ELFN2: variants seen among roughly 807,000 people sequenced by gnomAD.
The protein encoded by ELFN2 is extracellular leucine rich repeat and fibronectin type III domain containing 2.
A neutral mutation model predicts 45.5 loss-of-function variants in ELFN2; 17 were observed. The ratio of observed to expected loss-of-function variants is 0.37; its 90% CI spans 0.26 to 0.56. The LOEUF (loss-of-function observed/expected upper bound fraction) is 0.56. Ranked by LOEUF, ELFN2 falls within the 20% of genes least tolerant of loss-of-function variation. The pLI is 0.77. For synonymous variants in ELFN2, 550 were observed against 551.5 expected (o/e 1.00, Z 0.04); for missense variants, 922 against 1,183.2 (o/e 0.78, Z 3.24).
rs1485896040 is a variant in ELFN2 at position 37,417,437 on chromosome 22, G to A, written c.-463+332C>T. On this transcript the variant is annotated intron_variant, in intron 2 of 2. Transcript: ENST00000402918. This position sits in a 1 kb window ranked among gnomAD's most constrained non-coding sequence, Gnocchi z 4.5. ...CAGGTGCACAGATGCCCCCTGACCT[G>A]CTGGAGTGCAGACTAAGCCTGCCTC... is the stretch of plus-strand genomic sequence containing the variant. Among the ~76,000 whole-genome samples, 1 of 152,228 alleles carries A rather than the reference G, an allele frequency of 6.6e-6. No homozygotes were observed. Among genetic ancestry groups the A allele is most frequent in the East Asian group, 1.9e-4 (1 of 5,198 alleles).
rs184566283 is a variant in ELFN2, at chr22:37,378,022, C to T, written c.-462-2026G>A. 2.1e-3 allele frequency among the ~76,000 whole-genome samples: 315 copies of T among 152,340 alleles called. 2 individuals carry two copies. Among genetic ancestry groups the T allele is most frequent in the Non-Finnish European group, 3.4e-3 (232 of 68,030 alleles). ...ACGAGCCGGCCTGTCAGAGAACCCT[C>T]GTCTGCTCCAATGCAGTCCCTCTTC... On this transcript the variant is annotated intron_variant, in intron 2 of 2. Coordinates refer to ENST00000402918, the MANE Select transcript of ELFN2 (RefSeq NM_052906.5).
intron 2 of ELFN2, among the ~76,000 whole-genome samples, chr22:37,414,062 A>G (rs1932721250): frequency 1.3e-5 from 2 of 152,204 alleles, no homozygotes; most frequent in Non-Finnish European, 2.9e-5. Flanking sequence ...CTGACCTCCC[A>G]GGGTGGCTGG....
chr22:37,347,362 TAGTC>T (rs1267028513), intron 1 of ELFN2, among the ~76,000 whole-genome samples: 3 of 152,146 alleles, frequency 2.0e-5, no homozygotes, highest in Admixed American at 6.5e-5. Context: ...CAGGTATTCA[TAGTC>T]AGACATTACT....
chr22:37,423,548 C>T (rs1246427897), intron 1 of ELFN2, among the ~76,000 whole-genome samples: 1 of 152,144 alleles, frequency 6.6e-6, no homozygotes, highest in African/African-American at 2.4e-5. Context: ...TGTTTCTTGT[C>T]TTCAAAATGA....
intron 2 of ELFN2, among the ~76,000 whole-genome samples, chr22:37,392,929 T>A (rs1022811802): frequency 6.6e-6 from 1 of 152,246 alleles, no homozygotes; most frequent in African/African-American, 2.4e-5. Flanking sequence ...CACACCTGCA[T>A]ATTCATTAAC....
chr22:37,361,264 G>A (rs575737849), intron 1 of ELFN2, among the ~76,000 whole-genome samples: 6 of 152,138 alleles, frequency 3.9e-5, no homozygotes, highest in Non-Finnish European at 8.8e-5. Flanking sequence ...AGAAAAATAT[G>A]CTTTTTACTT....
At chr22:37,413,189 G>A (rs963328770) in intron 2 of ELFN2, among the ~76,000 whole-genome samples, 1 of 152,110 alleles carries the variant, frequency 6.6e-6, no homozygotes, top group Non-Finnish European at 1.5e-5. Flanking sequence ...CTGCCCTAGG[G>A]GGATAAGAGG....
intron 2 of ELFN2, among the ~76,000 whole-genome samples, chr22:37,412,038 T>A (rs1932660931): frequency 6.6e-6 from 1 of 151,650 alleles, no homozygotes; most frequent in Non-Finnish European, 1.5e-5. Context: ...TCCTCCGACA[T>A]TCAGAAAGCA....
chr22:37,410,524 T>C (rs1932621436), intron 2 of ELFN2, among the ~76,000 whole-genome samples: 1 of 152,124 alleles, frequency 6.6e-6, no homozygotes, highest in Admixed American at 6.5e-5. Context: ...CAGATGGTGC[T>C]GAGGGCAGCG....
intron 1 of ELFN2, among the ~76,000 whole-genome samples, chr22:37,362,798 G>A (rs929286569): frequency 1.3e-5 from 2 of 152,236 alleles, no homozygotes; most frequent in African/African-American, 4.8e-5. Context: ...CACCAGATGT[G>A]AGGCATCAGC....
rs776247026 is a variant in ELFN2 at position 37,374,064 on chromosome 22, G to T, written c.1471C>A (p.Leu491Met). 1 of 1,613,162 alleles carries T rather than the reference G, an allele frequency of 6.2e-7. No individual in the cohort carries two copies. The highest frequency in any genetic ancestry group is 1.1e-5 in the South Asian group (1 of 91,086). Residue 491 changes from leucine to methionine, a missense_variant, in exon 3 of 3, where the codon CTG (leucine) becomes ATG (methionine). Coordinates refer to ENST00000402918, the MANE Select transcript of ELFN2 (RefSeq NM_052906.5). ...TTGGTGGCTACCTTGGGTGTGTCCA[G>T]CCCGGCCTCCAACCCCTTGGCGGTG... ...LPTAKGLEAG[L>M]DTPKVATKGN...
Position 37,375,327 on chromosome 22 carries a change from C to T in ELFN2, c.208G>A (p.Val70Met). The T allele has an allele frequency of 3.1e-6, 5 of 1,613,972 alleles. No homozygotes were observed. Among genetic ancestry groups the T allele is most frequent in the Non-Finnish European group, 4.2e-6 (5 of 1,180,000 alleles). Residue 70 changes from valine (V) to methionine (M), a missense_variant, in exon 3 of 3, where the codon GTG becomes ATG. Physicochemically the swap from Val to Met is conservative, Grantham distance 21 (BLOSUM62 1). Transcript: ENST00000402918. The stretch of plus-strand genomic sequence containing the variant: ...AAGCGGTTGAGCGAGGAGTAGAGCA[C>T]GGCTTTGAGCTTGTTCTCGTTGAGC... ...LRLNENKLKA[V>M]LYSSLNRFGN...
intron 1 of ELFN2, among the ~76,000 whole-genome samples, chr22:37,359,728 G>A (rs1444551627): frequency 6.6e-6 from 1 of 152,364 alleles, no homozygotes; most frequent in East Asian, 1.9e-4. Flanking sequence ...GGGCAGACGA[G>A]CCCCAGACTT....
Position 37,373,088 on chromosome 22 carries a change from G to C in ELFN2, c.2447C>G (p.Ala816Gly), listed in dbSNP as rs1400504466. 2 of 1,598,586 alleles carry C rather than the reference G, an allele frequency of 1.3e-6. No homozygotes were observed. Among genetic ancestry groups the C allele is most frequent in the Admixed American group, 1.7e-5 (1 of 59,592 alleles). Residue 816 changes from alanine to glycine, a missense_variant, in exon 3 of 3, where the codon GCC (alanine) becomes GGC (glycine). By Grantham distance (60) the Ala-to-Gly change is moderately conservative (BLOSUM62 0). Coordinates refer to ENST00000402918, the MANE Select transcript of ELFN2 (RefSeq NM_052906.5). ...DILDYWKGVS[A>G]QQKL The stretch of plus-strand genomic sequence containing the variant: ...AGGGGGGGGTCACAGCTTCTGCTGG[G>C]CGGAGACCCCCTTCCAGTAATCAAG...
intron 1 of ELFN2, among the ~76,000 whole-genome samples, chr22:37,356,278 T>G (rs1019885931): frequency 1.3e-5 from 2 of 152,120 alleles, no homozygotes; most frequent in African/African-American, 4.8e-5. Flanking sequence ...CGAAGGGCCT[T>G]CACTCCCCAG....
rs1930800069 is a variant in ELFN2, at chr22:37,350,608, C to T, written n.149-7905G>A. ...CTTTCCCCTCCCCGGGCCTGGTCCC[C>T]TGGAGGCTGAGAGCGTGTGTGACCC... On this transcript the variant is annotated intron_variant and non_coding_transcript_variant, in intron 1 of 2. Transcript: ENST00000452946. 2.0e-5 allele frequency among the ~76,000 whole-genome samples: 3 copies of T among 150,780 alleles called. No homozygotes were observed. In the South Asian group the frequency reaches 6.2e-4, roughly 31 times the overall value.
In ELFN2 at chr22:37,358,836, GA is replaced by G. The variant is rs529213185; in HGVS notation, n.149-16134del. Among the ~76,000 whole-genome samples, 13 of 152,350 alleles carry G rather than the reference GA, an allele frequency of 8.5e-5. No homozygotes were observed. In the South Asian group the frequency reaches 2.7e-3, roughly 32 times the overall value. On this transcript the variant is annotated intron_variant and non_coding_transcript_variant, in intron 1 of 2. Transcript: ENST00000452946. ...CCAAGGGGAATGGGTACATGGAGAG[GA>G]GCAGCCAGATTGAGATGAGTTGTCA...
At chr22:37,408,549 C>A (rs547316994) in intron 2 of ELFN2, among the ~76,000 whole-genome samples, 1 of 152,340 alleles carries the variant, frequency 6.6e-6, no homozygotes, top group East Asian at 1.9e-4. Flanking sequence ...GCACTCAAAT[C>A]GGGCCTGATC....
chr22:37,395,482 T>C lies in ELFN2; in HGVS notation c.-462-19486A>G, dbSNP rs114187863. Among the ~76,000 whole-genome samples the C allele has an allele frequency of 5.5e-3, 837 of 152,286 alleles. 7 individuals are homozygous for C. The highest frequency in any genetic ancestry group is 0.017 in the African/African-American group (721 of 41,554). ...TTCCCAAAGGCACACAGCTAAGAAG[T>C]GGCAGGGCCTGAGACACACCAAGGT... On this transcript the variant is annotated intron_variant, in intron 2 of 2. Transcript: ENST00000402918.
Sources: gnomAD v4.1 joint callset for allele counts (sites outside exome capture counted in the v4.1 genomes callset) on GRCh38, gnomAD v4.1.1 for gene constraint, Gnocchi (gnomAD v3.1) non-coding constraint, MANE v1.5 for transcripts, NCBI Gene and HGNC (gene_info 2026-07-23, HGNC 2026-07-21) for gene names.